The following UBE2W variants were observed in gnomAD, a reference collection of about 807,000 sequenced individuals.
UBE2W encodes the protein ubiquitin conjugating enzyme E2 W, also known as ubiquitin-conjugating enzyme E2 W.
A neutral mutation model predicts 27.2 loss-of-function variants in UBE2W; 18 were observed. The ratio of observed to expected loss-of-function variants is 0.66; its 90% CI spans 0.46 to 0.98. The LOEUF is 0.98. Ranked by LOEUF, UBE2W falls within the 50% of genes least tolerant of loss-of-function variation. The pLI is 0.00. For synonymous variants in UBE2W, 53 were observed against 57.2 expected (o/e 0.93, Z 0.33); for missense variants, 90 against 180.2 (o/e 0.50, Z 2.87).
chr8:73,804,504 T>C (rs916327441), intron 5 of UBE2W, among the ~76,000 whole-genome samples: 15 of 151,958 alleles, frequency 9.9e-5, no homozygotes, highest in African/African-American at 3.4e-4. Context: ...ACAATAGAAA[T>C]TTAAAATTAG....
chr8:73,804,264 T>C (rs1283633284), intron 5 of UBE2W, among the ~76,000 whole-genome samples: 1 of 149,910 alleles, frequency 6.7e-6, no homozygotes, highest in African/African-American at 2.5e-5. Flanking sequence ...TCTAATTTAT[T>C]ATCAGGTTAA....
chr8:73,840,751 G>C (rs1286577185), intron 1 of UBE2W, among the ~76,000 whole-genome samples: 1 of 152,016 alleles, frequency 6.6e-6, no homozygotes, highest in East Asian at 1.9e-4. Context: ...CCGATACTCA[G>C]GTATAAAATG....
chr8:73,872,901 CTTTT>C (rs869161392), intron 1 of UBE2W, among the ~76,000 whole-genome samples: 6 of 132,710 alleles, frequency 4.5e-5, no homozygotes, highest in Admixed American at 1.5e-4. Flanking sequence ...TTTTTTTTTC[CTTTT>C]TTTTTTTTTT....
intron 1 of UBE2W, among the ~76,000 whole-genome samples, chr8:73,861,220 A>T (rs1196999631): frequency 1.3e-5 from 2 of 152,196 alleles, no homozygotes; most frequent in Non-Finnish European, 2.9e-5. Flanking sequence ...GAATCTCCAC[A>T]TATGCAGTAA....
intron 1 of UBE2W, among the ~76,000 whole-genome samples, chr8:73,854,855 C>T (rs1811221318): frequency 6.6e-6 from 1 of 152,162 alleles, no homozygotes; most frequent in Non-Finnish European, 1.5e-5. Context: ...AGTCAATTAA[C>T]ATGTTTTGTA....
At chr8:73,802,571 T>C (rs1211274483) in intron 5 of UBE2W, among the ~76,000 whole-genome samples, 1 of 152,136 alleles carries the variant, frequency 6.6e-6, no homozygotes, top group Non-Finnish European at 1.5e-5. Context: ...TACCCAACAT[T>C]GAAAAAAAAC....
At chr8:73,851,638 GGA>G (rs1811084132) in intron 1 of UBE2W, among the ~76,000 whole-genome samples, 1 of 152,022 alleles carries the variant, frequency 6.6e-6, no homozygotes, top group Admixed American at 6.6e-5. Context: ...CATATGTACT[GGA>G]GAAGTTAAGA....
chr8:73,828,486 G>C (rs972941726), intron 2 of UBE2W, among the ~76,000 whole-genome samples: 1 of 152,086 alleles, frequency 6.6e-6, no homozygotes, highest in African/African-American at 2.4e-5. Context: ...CCTAGAATTA[G>C]CAATGTCGAA....
At position 73,833,315 on chromosome 8, in the gene UBE2W, C is replaced by T. The variant is rs528712198; in HGVS notation, c.16-2843G>A. Among the ~76,000 whole-genome samples the T allele has an allele frequency of 2.3e-4, 35 of 150,460 alleles. 1 individual carries two copies. The South Asian group carries it at 6.5e-3, about 28-fold the overall frequency. ...AAAAAGCCTTTCAAAAATTTTATGC[C>T]TTGTGACGAGAATGAAATAAGAAAA... On this transcript the variant is annotated intron_variant, in intron 1 of 5. Coordinates refer to ENST00000602593, the MANE Select transcript of UBE2W (RefSeq NM_018299.6).
At chr8:73,846,317 A>G in intron 1 of UBE2W, among the ~76,000 whole-genome samples, 1 of 152,080 alleles carries the variant, frequency 6.6e-6, no homozygotes, top group East Asian at 1.9e-4. Flanking sequence ...AATTGCTTGA[A>G]CCTGGGAGGC....
intron 1 of UBE2W, among the ~76,000 whole-genome samples, chr8:73,864,224 T>C (rs1266095768): frequency 2.6e-5 from 4 of 152,078 alleles, no homozygotes; most frequent in African/African-American, 9.7e-5. Flanking sequence ...CGAAACCTCG[T>C]CTCTACTAAA....
At position 73,788,324 on chromosome 8, in the gene UBE2W, C is replaced by CT; in HGVS notation, c.*5777dup. 1.0e-6 allele frequency: 1 copy of CT among 985,306 alleles called. No individual in the cohort carries two copies. The highest frequency in any genetic ancestry group is 1.2e-6 in the Non-Finnish European group (1 of 829,832). 61.0% of individuals were successfully genotyped at this position (985,306 alleles called of 1,614,324 possible). ...AGTTTATAAAATATATACATCCACCCTATTCAAATCCTCAAGCATGAGCTT... is the reference window on the plus strand; with the variant it reads ...AGTTTATAAAATATATACATCCACCCTTATTCAAATCCTCAAGCATGAGCTT... On this transcript the variant is annotated 3_prime_UTR_variant, in exon 6 of 6. Coordinates refer to ENST00000602593, the MANE Select transcript of UBE2W (RefSeq NM_018299.6).
Position 73,792,031 on chromosome 8 carries a change from A to G in UBE2W, c.*2071T>C, listed in dbSNP as rs755768984. 1 of 985,320 alleles carries G rather than the reference A, an allele frequency of 1.0e-6. No homozygotes were observed. The highest frequency in any genetic ancestry group is 1.2e-6 in the Non-Finnish European group (1 of 829,824). The allele number at this position is 985,320 out of a possible 1,614,324, so 61.0% of individuals were successfully genotyped here. ...TTTATAAAAGCATTTTGGTAAGAGA[A>G]CCAGCAATATGGAGACAGATTTCTC... On this transcript the variant is annotated 3_prime_UTR_variant, in exon 6 of 6. Transcript: ENST00000602593.
chr8:73,793,834 A>C lies in UBE2W; in HGVS notation c.*268T>G. The C allele has an allele frequency of 8.5e-7, 1 of 1,180,930 alleles. No individual in the cohort carries two copies. Among genetic ancestry groups the C allele is most frequent in the African/African-American group, 1.6e-5 (1 of 63,146 alleles). The allele number at this position is 1,180,930 out of a possible 1,614,324, so 73.2% of individuals were successfully genotyped here. On this transcript the variant is annotated 3_prime_UTR_variant, in exon 6 of 6. Transcript: ENST00000602593. ...CTGGAGCTTTTCCAAAAGCTTAAAA[A>C]AATAAAAATAAAAAATGGAATTATA...
At chr8:73,874,663 CTT>C (rs1295154861) in intron 1 of UBE2W, among the ~76,000 whole-genome samples, 2 of 152,182 alleles carry the variant, frequency 1.3e-5, no homozygotes, top group African/African-American at 4.8e-5. Flanking sequence ...CTACAAGAAA[CTT>C]TTCATGTAAT....
intron 1 of UBE2W, among the ~76,000 whole-genome samples, chr8:73,864,923 G>A (rs1260718367): frequency 6.6e-6 from 1 of 151,814 alleles, no homozygotes; most frequent in East Asian, 1.9e-4. Context: ...ATATATTGTT[G>A]ATTAATATCA....
chr8:73,865,308 T>A (rs762369917), intron 1 of UBE2W, among the ~76,000 whole-genome samples: 1 of 145,096 alleles, frequency 6.9e-6, no homozygotes, highest in Non-Finnish European at 1.5e-5. Flanking sequence ...ATAGAAACAA[T>A]CAAGGTAACC....
At position 73,790,898 on chromosome 8, in the gene UBE2W, CCA is replaced by C; in HGVS notation, c.*3202_*3203del. 1.0e-6 allele frequency: 1 copy of C among 984,386 alleles called. No homozygotes were observed. Among genetic ancestry groups the C allele is most frequent in the Non-Finnish European group, 1.2e-6 (1 of 829,180 alleles). The allele number at this position is 984,386 out of a possible 1,614,324, so 61.0% of individuals were successfully genotyped here. On this transcript the variant is annotated 3_prime_UTR_variant, in exon 6 of 6. Transcript: ENST00000602593. Reference sequence around the variant, plus strand: ...TTTTAGAATCTGAAGAAATTATTATCCACCACAGGAATCTAATGATATATATA... The same window carrying C: ...TTTTAGAATCTGAAGAAATTATTATCCCACAGGAATCTAATGATATATATA...
rs1239915412 is a variant in UBE2W, at chr8:73,791,935, A to T, written c.*2167T>A. The stretch of plus-strand genomic sequence containing the variant: ...GAGGCTATATATGACCTATTACTCT[A>T]TAGTATAGCATTGTTAATCTTTGAC... On this transcript the variant is annotated 3_prime_UTR_variant, in exon 6 of 6. Coordinates refer to ENST00000602593, the MANE Select transcript of UBE2W (RefSeq NM_018299.6). The T allele has an allele frequency of 1.9e-5, 19 of 984,986 alleles. No homozygotes were observed. The highest frequency in any genetic ancestry group is 2.3e-5 in the Non-Finnish European group (19 of 829,648). The allele number at this position is 984,986 out of a possible 1,614,324, so 61.0% of individuals were successfully genotyped here. A position where few individuals can be genotyped will look rare whatever the true frequency, so the allele number is the denominator to read the frequency against.
Sources: allele counts gnomAD v4.1 joint callset (sites outside exome capture counted in the v4.1 genomes callset), GRCh38; gene constraint gnomAD v4.1.1; transcripts MANE v1.5; gene names NCBI Gene and HGNC (gene_info 2026-07-23, HGNC 2026-07-21).